CEACAM19: variants seen among roughly 807,000 people sequenced by gnomAD.
CEACAM19 encodes the protein cell adhesion molecule CEACAM19.
CEACAM19 carries 37 observed loss-of-function variants against 37.6 expected under a neutral mutation model. The observed-to-expected ratio is 0.98, with a 90% CI of 0.76 to 1.29. CEACAM19 has a LOEUF of 1.29. CEACAM19 is among the 50% of genes most tolerant of loss of function. The pLI, the probability that CEACAM19 is intolerant of heterozygous loss-of-function variation, is 0.00. For synonymous variants in CEACAM19, 140 were observed against 149.8 expected, an observed-to-expected ratio of 0.93 and a Z score of 0.48; for missense variants, 340 against 375.6, an observed-to-expected ratio of 0.91 and a Z score of 0.78.
intron 2 of CEACAM19, among the ~76,000 whole-genome samples, chr19:44,674,418 C>T (rs1016018915): frequency 1.3e-5 from 2 of 152,058 alleles, no homozygotes; most frequent in African/African-American, 4.8e-5. Context: ...AATCCTTCCA[C>T]CTTGGCCTCC....
At chr19:44,680,443 C>A in intron 5 of CEACAM19, 109 bp downstream of exon 5, 2 of 1,027,990 alleles carry the variant, frequency 1.9e-6, no homozygotes, top group Non-Finnish European at 2.9e-6. Context: ...CCTCCCAATG[C>A]ACCTGCCCCG....
upstream of CEACAM19, among the ~76,000 whole-genome samples, chr19:44,667,785 AATAT>A (rs1430573420): frequency 3.5e-4 from 25 of 70,610 alleles, no homozygotes; most frequent in African/African-American, 1.5e-3. Flanking sequence ...ATAATATATA[AATAT>A]ATATAAATTA....
chr19:44,681,125 C>A (rs1974050190), intron 5 of CEACAM19, 102 bp from the exon 6 acceptor site: 1 of 825,978 alleles, frequency 1.2e-6, no homozygotes, highest in South Asian at 1.6e-5. Context: ...AGCGTTTGCA[C>A]AAATGTTAGT....
At chr19:44,681,526 G>A (rs952340043) in intron 6 of CEACAM19, among the ~76,000 whole-genome samples, 1 of 152,154 alleles carries the variant, frequency 6.6e-6, no homozygotes, top group Admixed American at 6.5e-5. Flanking sequence ...GAGGCTGGTG[G>A]GTGGGTTTTA....
chr19:44,668,414 A>T (rs376667957), upstream of CEACAM19, among the ~76,000 whole-genome samples: 1 of 21,082 alleles, frequency 4.7e-5, no homozygotes, highest in African/African-American at 1.4e-4. Context: ...TTTATATATT[A>T]TATATATAAT....
chr19:44,680,112 G>A (rs372199023), intron 4 of CEACAM19, among the ~76,000 whole-genome samples, 176 bp from the exon 5 acceptor site: 7 of 151,932 alleles, frequency 4.6e-5, no homozygotes, highest in East Asian at 3.9e-4. Context: ...GAGGGATTGC[G>A]GATGAGGATT....
intron 6 of CEACAM19, among the ~76,000 whole-genome samples, chr19:44,681,588 C>T (rs908062663): frequency 6.6e-6 from 1 of 152,118 alleles, no homozygotes; most frequent in African/African-American, 2.4e-5. Context: ...CAGCCACTAC[C>T]TTTATAATGG....
chr19:44,668,481 T>TA (rs1457594537), upstream of CEACAM19, among the ~76,000 whole-genome samples: 15 of 55,866 alleles, frequency 2.7e-4, no homozygotes, highest in African/African-American at 1.4e-3. Flanking sequence ...ATATAATATA[T>TA]ATATTATATA....
chr19:44,676,171 G>A, intron 2 of CEACAM19, 100 bp from the exon 3 acceptor site: 1 of 1,246,046 alleles, frequency 8.0e-7, no homozygotes, highest in Admixed American at 2.2e-5. Flanking sequence ...CTGCACCTCA[G>A]TTCTCCATGC....
intron 3 of CEACAM19, chr19:44,678,006 T>C (rs1229936954): frequency 6.6e-6 from 1 of 151,420 alleles, no homozygotes; most frequent in African/African-American, 2.4e-5. Flanking sequence ...AGAGACAGGG[T>C]CTTGCTTTAT....
chr19:44,674,658 C>A (rs566546980), intron 2 of CEACAM19, among the ~76,000 whole-genome samples: 1 of 152,296 alleles, frequency 6.6e-6, no homozygotes, highest in South Asian at 2.1e-4. Context: ...CCACCTCGGC[C>A]TCCCAAAGTG....
intron 4 of CEACAM19, among the ~76,000 whole-genome samples, chr19:44,679,180 A>G (rs1974009172): frequency 6.6e-6 from 1 of 152,070 alleles, no homozygotes; most frequent in South Asian, 2.1e-4. Context: ...TTTTGTAGAG[A>G]CGGGATCTCA....
At chr19:44,668,622 ATAAT>A (rs1973799486), upstream of CEACAM19, among the ~76,000 whole-genome samples, 1 of 87,466 alleles carries the variant, frequency 1.1e-5, no homozygotes, top group Non-Finnish European at 2.0e-5. Flanking sequence ...ATATAATTAT[ATAAT>A]TATATACACA....
At chr19:44,669,029 G>A (rs1426799786), upstream of CEACAM19, among the ~76,000 whole-genome samples, 4 of 150,440 alleles carry the variant, frequency 2.7e-5, no homozygotes, top group Admixed American at 6.7e-5. Context: ...CATGTTGCCC[G>A]GGCTGGTCTT....
At chr19:44,671,285 C>T (rs1973850902), upstream of CEACAM19, 1 of 161,134 alleles carries the variant, frequency 6.2e-6, no homozygotes, top group Admixed American at 6.5e-5. Context: ...CCACGCCTGA[C>T]TAACTTTTGT....
At chr19:44,670,993 G>A (rs1973846128), upstream of CEACAM19, among the ~76,000 whole-genome samples, 1 of 151,974 alleles carries the variant, frequency 6.6e-6, no homozygotes, top group South Asian at 2.1e-4. Context: ...TACTCCCTGA[G>A]GTGGGAGGAT....
Position 44,682,711 on chromosome 19 carries a change from C to G in CEACAM19, c.846+91C>G, listed in dbSNP as rs536489432. On this transcript the variant is annotated intron_variant, in intron 7 of 7. Transcript: ENST00000358777. ...TGGGGAGGGGTCAAGACAACTGAAACTGGGGGCTTTCCTCCCCTCGTCCCC... is the reference window on the plus strand; with the variant it reads ...TGGGGAGGGGTCAAGACAACTGAAAGTGGGGGCTTTCCTCCCCTCGTCCCC... 454 of 1,232,836 alleles carry G rather than the reference C, an allele frequency of 3.7e-4. 4 individuals carry two copies. In the Middle Eastern group the frequency reaches 5.4e-3, roughly 15 times the overall value. 76.4% of individuals were successfully genotyped at this position (1,232,836 alleles called of 1,614,324 possible).
At chr19:44,681,802 T>C (rs761545346) in intron 6 of CEACAM19, among the ~76,000 whole-genome samples, 3 of 151,750 alleles carry the variant, frequency 2.0e-5, no homozygotes, top group Non-Finnish European at 4.4e-5. Context: ...TGATGGCACA[T>C]GCCTGTAATC....
At chr19:44,680,423 C>T (rs1349641922) in intron 5 of CEACAM19, 89 bp downstream of exon 5, 2 of 1,209,716 alleles carry the variant, frequency 1.7e-6, no homozygotes, top group Admixed American at 1.8e-5. Context: ...TATTCTCCCT[C>T]ACTCAGAGAC....
Sources: allele counts gnomAD v4.1 joint callset (sites outside exome capture counted in the v4.1 genomes callset), GRCh38; gene constraint gnomAD v4.1.1; transcripts MANE v1.5; gene names NCBI Gene and HGNC (gene_info 2026-07-23, HGNC 2026-07-21).